Variants in MBD2 observed in about 807,000 individuals in gnomAD.
MBD2 encodes methyl-CpG-binding domain protein 2.
Under a neutral mutation model 39.3 loss-of-function variants are expected in MBD2, and 9 were observed. The ratio of observed to expected loss-of-function variants is 0.23; its 90% CI spans 0.14 to 0.40. The LOEUF (loss-of-function observed/expected upper bound fraction) is 0.40, where lower values mean the gene tolerates loss of function less well. MBD2 is among the 10% of genes least tolerant of loss of function. The pLI, the probability that MBD2 is intolerant of heterozygous loss-of-function variation, is 1.00. For missense variants in MBD2, 458 were observed against 532.6 expected, an observed-to-expected ratio of 0.86 and a Z score of 1.38; for synonymous variants, 233 against 211.1, an observed-to-expected ratio of 1.10 and a Z score of -0.90.
chr18:54,216,117 G>C (rs1341541066), intron 1 of MBD2, among the ~76,000 whole-genome samples: 3 of 152,098 alleles, frequency 2.0e-5, no homozygotes, highest in African/African-American at 7.2e-5. Context: ...CTTGAAGATA[G>C]ATTTTTTTCA....
intron 3 of MBD2, among the ~76,000 whole-genome samples, chr18:54,170,308 T>C (rs1445390084): frequency 1.3e-5 from 2 of 152,202 alleles, no homozygotes; most frequent in South Asian, 4.1e-4. Flanking sequence ...GAACCCACGA[T>C]AGCATTTTCT....
chr18:54,162,217 G>A (rs1011283429), intron 5 of MBD2, among the ~76,000 whole-genome samples: 2 of 152,094 alleles, frequency 1.3e-5, no homozygotes, highest in Non-Finnish European at 2.9e-5. Flanking sequence ...CTAATAAATG[G>A]GTATTGTTTT....
intron 3 of MBD2, among the ~76,000 whole-genome samples, chr18:54,184,813 T>C (rs958839928): frequency 3.3e-5 from 5 of 152,206 alleles, no homozygotes; most frequent in Admixed American, 3.3e-4. Flanking sequence ...ATTTGGCACT[T>C]TGTATATGGC....
chr18:54,159,673 C>T, intron 6 of MBD2, 92 bp downstream of exon 6: 1 of 1,444,406 alleles, frequency 6.9e-7, no homozygotes, highest in Non-Finnish European at 9.4e-7. Flanking sequence ...CCGCCTCAGC[C>T]ACCCAAGTGC....
At chr18:54,205,183 C>A (rs760044841) in intron 1 of MBD2, 26 bp from the exon 2 acceptor site, 2 of 1,602,554 alleles carry the variant, frequency 1.2e-6, no homozygotes, top group Non-Finnish European at 1.7e-6. Flanking sequence ...GTTAATTGAA[C>A]AAAAGGCAAC....
intron 1 of MBD2, among the ~76,000 whole-genome samples, chr18:54,212,222 G>A (rs1023142054): frequency 5.9e-5 from 9 of 152,176 alleles, no homozygotes; most frequent in Non-Finnish European, 8.8e-5. Flanking sequence ...CATAATGCAT[G>A]ATGCTACCCC....
At chr18:54,213,770 T>C (rs548079500) in intron 1 of MBD2, among the ~76,000 whole-genome samples, 6 of 152,288 alleles carry the variant, frequency 3.9e-5, no homozygotes, top group African/African-American at 1.4e-4. Flanking sequence ...TGGATGACTA[T>C]ATAGGGATTC....
At chr18:54,182,395 G>C (rs980395968) in intron 3 of MBD2, among the ~76,000 whole-genome samples, 1 of 152,142 alleles carries the variant, frequency 6.6e-6, no homozygotes, top group Non-Finnish European at 1.5e-5. Context: ...AGAAACAGCC[G>C]CTGAAGGAGA....
intron 1 of MBD2, among the ~76,000 whole-genome samples, chr18:54,211,571 T>C (rs1972609165): frequency 6.6e-6 from 1 of 152,138 alleles, no homozygotes; most frequent in African/African-American, 2.4e-5. Flanking sequence ...TATCTGCTCT[T>C]ATTTTATTCA....
At chr18:54,223,617 C>T (rs1568097720) in intron 1 of MBD2, among the ~76,000 whole-genome samples, 1 of 152,234 alleles carries the variant, frequency 6.6e-6, no homozygotes, top group Non-Finnish European at 1.5e-5. Flanking sequence ...GTAGATAGCT[C>T]ATTCTTCCAC....
chr18:54,175,916 C>A (rs1490836245), intron 3 of MBD2, among the ~76,000 whole-genome samples: 1 of 152,172 alleles, frequency 6.6e-6, no homozygotes, highest in Non-Finnish European at 1.5e-5. Flanking sequence ...AAATGTCTAA[C>A]ATTAATTGTC....
At chr18:54,182,155 A>C (rs1252515514) in intron 3 of MBD2, among the ~76,000 whole-genome samples, 3 of 152,236 alleles carry the variant, frequency 2.0e-5, no homozygotes, top group African/African-American at 7.2e-5. Flanking sequence ...CTCAATAAAT[A>C]ATTTTTGAAT....
intron 1 of MBD2, among the ~76,000 whole-genome samples, chr18:54,205,688 G>A (rs1385092810): frequency 2.0e-5 from 3 of 151,568 alleles, no homozygotes; most frequent in Non-Finnish European, 2.9e-5. Context: ...TGCTCCCCTA[G>A]GTAGTCCACT....
intron 3 of MBD2, among the ~76,000 whole-genome samples, chr18:54,173,931 A>G (rs1476755052): frequency 6.6e-6 from 1 of 152,200 alleles, no homozygotes; most frequent in Non-Finnish European, 1.5e-5. Flanking sequence ...GTTTCATGTT[A>G]TGATGATGGT....
rs140061139 is a variant in MBD2 at position 54,158,165 on chromosome 18, G to A, written c.*12+1600C>T. 2.8e-3 allele frequency among the ~76,000 whole-genome samples: 422 copies of A among 152,110 alleles called. 5 individuals carry two copies. Among genetic ancestry groups the A allele is most frequent in the African/African-American group, 9.4e-3 (390 of 41,468 alleles). On this transcript the variant is annotated intron_variant, in intron 6 of 6. Transcript: ENST00000256429. ...CTCCCTAACAACCCACAGGTCCTACGTGACTAGGTTCACCACCCACACATT... is the reference window on the plus strand; with the variant it reads ...CTCCCTAACAACCCACAGGTCCTACATGACTAGGTTCACCACCCACACATT...
At chr18:54,209,966 A>G (rs1194703410) in intron 1 of MBD2, among the ~76,000 whole-genome samples, 1 of 152,222 alleles carries the variant, frequency 6.6e-6, no homozygotes. Context: ...AAAAGCATCA[A>G]TTTGTAACTT....
At chr18:54,205,410 AAAAAAAAT>A (rs2086441079) in intron 1 of MBD2, among the ~76,000 whole-genome samples, 1 of 149,760 alleles carries the variant, frequency 6.7e-6, no homozygotes, top group Non-Finnish European at 1.5e-5. Context: ...CGTCTCTGCT[AAAAAAAAT>A]AAAAAAATAA....
intron 1 of MBD2, among the ~76,000 whole-genome samples, chr18:54,217,840 G>A (rs933948942): frequency 6.6e-6 from 1 of 152,188 alleles, no homozygotes; most frequent in Non-Finnish European, 1.5e-5. Context: ...TGCGGCAGGT[G>A]AGACTTTGCA....
At chr18:54,169,853 T>C (rs1457525264) in intron 3 of MBD2, among the ~76,000 whole-genome samples, 1 of 152,224 alleles carries the variant, frequency 6.6e-6, no homozygotes, top group Non-Finnish European at 1.5e-5. Context: ...CCTCAGTTAT[T>C]ACACCTCCCT....
Sources: gnomAD v4.1 joint callset for allele counts (sites outside exome capture counted in the v4.1 genomes callset) on GRCh38, gnomAD v4.1.1 for gene constraint, MANE v1.5 for transcripts, NCBI Gene and HGNC (gene_info 2026-07-23, HGNC 2026-07-21) for gene names.